Variants in CADPS observed in about 807,000 individuals in gnomAD.
CADPS encodes the protein calcium dependent secretion activator.
In CADPS, 57 loss-of-function variants were observed where a neutral mutation model predicts 167.3. The observed-to-expected ratio is 0.34, with a 90% CI of 0.28 to 0.42. CADPS has a LOEUF of 0.42. Ranked by LOEUF, CADPS falls within the 20% of genes least tolerant of loss-of-function variation. CADPS has a pLI of 1.00. For synonymous variants in CADPS, 676 were observed against 635.3 expected (o/e 1.06, Z -0.96); for missense variants, 1,414 against 1,738.1 (o/e 0.81, Z 3.32).
At chr3:62,700,241 G>A (rs956701635) in intron 3 of CADPS, among the ~76,000 whole-genome samples, 1 of 152,094 alleles carries the variant, frequency 6.6e-6, no homozygotes, top group Non-Finnish European at 1.5e-5. Context: ...CCTTCAAGAG[G>A]TGGAGCTTAA....
chr3:62,462,623 A>G (rs188815566), intron 26 of CADPS, among the ~76,000 whole-genome samples: 1 of 152,320 alleles, frequency 6.6e-6, no homozygotes, highest in African/African-American at 2.4e-5. Context: ...TAAGGAATTG[A>G]ATCAGAAATG....
rs2060186267 is a variant in CADPS at position 62,602,977 on chromosome 3, G to T, written c.1326-10229C>A. On this transcript the variant is annotated intron_variant, in intron 6 of 29. Transcript: ENST00000383710. This position sits in a 1 kb window ranked among gnomAD's most constrained non-coding sequence, Gnocchi z 4.4. ...ATCTGATTTTTGCTATGGAGAAAAA[G>T]AAAGCAGAAAATGGCATTTGGAAGT... Among the ~76,000 whole-genome samples the T allele has an allele frequency of 6.6e-6, 1 of 152,030 alleles. No homozygotes were observed. The highest frequency in any genetic ancestry group is 2.1e-4 in the South Asian group (1 of 4,820).
Position 62,753,463 on chromosome 3 carries a change from T to C in CADPS, c.866A>G (p.Gln289Arg). The C allele has an allele frequency of 1.9e-6, 3 of 1,612,568 alleles. No homozygotes were observed. Among genetic ancestry groups the C allele is most frequent in the Non-Finnish European group, 2.5e-6 (3 of 1,178,800 alleles). ...NILGIKKFEH[Q>R]LLYNACQLDN... ...TACCTGGCAGGCATTGTAAAGGAGCTGATGTTCGAACTTCTTGATCCCAAG... is the reference window on the plus strand; with the variant it reads ...TACCTGGCAGGCATTGTAAAGGAGCCGATGTTCGAACTTCTTGATCCCAAG... The change falls in exon 3 of 30, where the codon CAG becomes CGG. Residue 289 changes from glutamine to arginine, a missense_variant. Gln to Arg is a conservative substitution (Grantham distance 43). Coordinates refer to ENST00000383710, the MANE Select transcript of CADPS (RefSeq NM_003716.4). This position sits in a 1 kb window ranked among gnomAD's most constrained non-coding sequence, Gnocchi z 4.6.
rs1000919812 is a variant in CADPS, at chr3:62,627,462, C to T, written c.1325+18260G>A. On this transcript the variant is annotated intron_variant, in intron 6 of 29. Coordinates refer to ENST00000383710, the MANE Select transcript of CADPS (RefSeq NM_003716.4). ...TTTGTTAGAAAGCAAATAAGACCTACTTTATGGCCTGTTTACTAAAACGGA... is the reference window on the plus strand; with the variant it reads ...TTTGTTAGAAAGCAAATAAGACCTATTTTATGGCCTGTTTACTAAAACGGA... Among the ~76,000 whole-genome samples the T allele has an allele frequency of 2.0e-5, 3 of 152,064 alleles. No individual in the cohort carries two copies. In the South Asian group the frequency reaches 6.2e-4, roughly 32 times the overall value.
Position 62,779,899 on chromosome 3 carries a change from T to A in CADPS, c.442-13915A>T, listed in dbSNP as rs1023815586. 1.7e-5 allele frequency: 3 copies of A among 179,018 alleles called. No individual in the cohort carries two copies. The Admixed American group carries it at 1.8e-4, about 11-fold the overall frequency. The allele number at this position is 179,018 out of a possible 1,614,324, so 11.1% of individuals were successfully genotyped here. A position where few individuals can be genotyped will look rare whatever the true frequency, so the allele number is the denominator to read the frequency against. ...AGCAGATTTAGGGATAACATAAGGATAAAGTTCTGTTATTTGGAACTCTTT... is the reference window on the plus strand; with the variant it reads ...AGCAGATTTAGGGATAACATAAGGAAAAAGTTCTGTTATTTGGAACTCTTT... On this transcript the variant is annotated intron_variant, in intron 1 of 29. Coordinates refer to ENST00000383710, the MANE Select transcript of CADPS (RefSeq NM_003716.4).
chr3:62,737,159 A>C (rs934239954), intron 3 of CADPS, among the ~76,000 whole-genome samples: 1 of 151,936 alleles, frequency 6.6e-6, no homozygotes, highest in African/African-American at 2.4e-5. Context: ...AAAACAAACA[A>C]ACACACACAC....
intron 1 of CADPS, among the ~76,000 whole-genome samples, chr3:62,838,198 T>C (rs575331221): frequency 6.6e-6 from 1 of 152,324 alleles, no homozygotes; most frequent in African/African-American, 2.4e-5. Context: ...CATATATTAC[T>C]GACCTCACTA....
chr3:62,466,491 T>G, intron 24 of CADPS, 78 bp from the exon 25 acceptor site: 1 of 908,724 alleles, frequency 1.1e-6, no homozygotes, highest in Non-Finnish European at 1.8e-6. Flanking sequence ...TTAGACAACT[T>G]AATTTATAAA....
intron 17 of CADPS, among the ~76,000 whole-genome samples, chr3:62,510,784 G>A (rs1421787033): frequency 1.3e-5 from 2 of 152,028 alleles, no homozygotes; most frequent in African/African-American, 4.8e-5. Flanking sequence ...TGGTTATGTA[G>A]ACCTATCCAT....
intron 4 of CADPS, 63 bp downstream of exon 4, chr3:62,662,251 C>T: frequency 2.3e-6 from 3 of 1,311,926 alleles, no homozygotes; most frequent in South Asian, 2.4e-5. Flanking sequence ...TGTCAATAAT[C>T]AATGTGCTTC....
intron 3 of CADPS, among the ~76,000 whole-genome samples, chr3:62,751,890 A>T (rs1007109279): frequency 6.6e-6 from 1 of 152,188 alleles, no homozygotes; most frequent in Non-Finnish European, 1.5e-5. Context: ...CCTGCCACTC[A>T]ATTCAACAAG....
chr3:62,840,881 T>G (rs1343202803), intron 1 of CADPS, among the ~76,000 whole-genome samples: 1 of 152,154 alleles, frequency 6.6e-6, no homozygotes, highest in Non-Finnish European at 1.5e-5. Context: ...CATATCTAAT[T>G]TTTTGAATTA....
At chr3:62,744,096 T>C (rs2080919953) in intron 3 of CADPS, among the ~76,000 whole-genome samples, 1 of 152,174 alleles carries the variant, frequency 6.6e-6, no homozygotes, top group African/African-American at 2.4e-5. Context: ...ACCCCCCTTT[T>C]AGCTTCTTTA....
intron 6 of CADPS, among the ~76,000 whole-genome samples, chr3:62,616,757 C>A (rs2062375780): frequency 6.6e-6 from 1 of 152,136 alleles, no homozygotes; most frequent in Non-Finnish European, 1.5e-5. Context: ...TTCCATTTTA[C>A]ATATGAGGTG....
chr3:62,813,647 CAAAGA>C (rs1186252659), intron 1 of CADPS, among the ~76,000 whole-genome samples: 1 of 152,000 alleles, frequency 6.6e-6, no homozygotes, highest in Non-Finnish European at 1.5e-5. Context: ...TTCTGCATAG[CAAAGA>C]AAACTATCAA....
chr3:62,484,654 T>G (rs2062537371), intron 21 of CADPS, among the ~76,000 whole-genome samples: 5 of 152,188 alleles, frequency 3.3e-5, no homozygotes. Flanking sequence ...CTACTCACTC[T>G]TACATGGATG....
At position 62,420,158 on chromosome 3, in the gene CADPS, T is replaced by C. The variant is rs1170468764; in HGVS notation, c.3778-16973A>G. ...CTTTACATTAAACCACACAGCTGGT[T>C]TCCAAGCAGATAGTGAAAGGACACA... is the stretch of plus-strand genomic sequence containing the variant. On this transcript the variant is annotated intron_variant, in intron 28 of 29. Coordinates refer to ENST00000383710, the MANE Select transcript of CADPS (RefSeq NM_003716.4). This position sits in a 1 kb window ranked among gnomAD's most constrained non-coding sequence, Gnocchi z 4.1. Among the ~76,000 whole-genome samples, 1 of 152,086 alleles carries C rather than the reference T, an allele frequency of 6.6e-6. No homozygotes were observed. The highest frequency in any genetic ancestry group is 1.5e-5 in the Non-Finnish European group (1 of 68,018).
chr3:62,828,702 A>C (rs1478999487), intron 1 of CADPS, among the ~76,000 whole-genome samples: 1 of 152,182 alleles, frequency 6.6e-6, no homozygotes, highest in Non-Finnish European at 1.5e-5. Flanking sequence ...ATATGCTTTT[A>C]ATAACATGTA....
chr3:62,574,193 C>A (rs779978557), intron 8 of CADPS, among the ~76,000 whole-genome samples: 1 of 152,154 alleles, frequency 6.6e-6, no homozygotes, highest in African/African-American at 2.4e-5. Context: ...CTCTATGCTC[C>A]ATTCATCCCA....
Sources: allele counts gnomAD v4.1 joint callset (sites outside exome capture counted in the v4.1 genomes callset), GRCh38; gene constraint gnomAD v4.1.1; non-coding constraint Gnocchi (gnomAD v3.1); transcripts MANE v1.5; gene names NCBI Gene and HGNC (gene_info 2026-07-23, HGNC 2026-07-21).